FRMD4B: variants seen among roughly 807,000 people sequenced by gnomAD.
FRMD4B encodes the protein FERM domain-containing protein 4B.
Under a neutral mutation model 141.5 loss-of-function variants are expected in FRMD4B, and 74 were observed. The ratio of observed to expected loss-of-function variants is 0.52; its 90% CI spans 0.43 to 0.63. The LOEUF (loss-of-function observed/expected upper bound fraction) is 0.63. Ranked by LOEUF, FRMD4B falls within the 30% of genes least tolerant of loss-of-function variation. FRMD4B has a pLI of 0.00. For synonymous variants in FRMD4B, 506 were observed against 467.9 expected, an observed-to-expected ratio of 1.08 and a Z score of -1.05; for missense variants, 1,366 against 1,253.4, an observed-to-expected ratio of 1.09 and a Z score of -1.36.
intron 1 of FRMD4B, among the ~76,000 whole-genome samples, chr3:69,333,485 A>G (rs1702447382): frequency 6.6e-6 from 1 of 152,222 alleles, no homozygotes; most frequent in African/African-American, 2.4e-5. Flanking sequence ...ATCCTTGTAG[A>G]ACTTTCAGTT....
intron 1 of FRMD4B, among the ~76,000 whole-genome samples, chr3:69,501,568 A>G (rs1204405381): frequency 1.3e-5 from 2 of 152,216 alleles, no homozygotes; most frequent in African/African-American, 2.4e-5. Context: ...AGGCTGAGGT[A>G]ATATCACACT....
At chr3:69,265,228 C>A (rs1391455017) in intron 5 of FRMD4B, among the ~76,000 whole-genome samples, 3 of 114,172 alleles carry the variant, frequency 2.6e-5, no homozygotes, top group African/African-American at 1.0e-4. Context: ...GCACTCCAGC[C>A]TGGGCAACAC....
At chr3:69,424,443 G>C (rs553632202) in intron 2 of FRMD4B, among the ~76,000 whole-genome samples, 65 of 152,276 alleles carry the variant, frequency 4.3e-4, no homozygotes, top group African/African-American at 1.5e-3. Flanking sequence ...ACAGGTGAAA[G>C]CCACAGCACA....
chr3:69,510,135 T>C (rs1400905218), intron 1 of FRMD4B, among the ~76,000 whole-genome samples: 1 of 152,064 alleles, frequency 6.6e-6, no homozygotes, highest in Non-Finnish European at 1.5e-5. Context: ...AACAATTTTG[T>C]CTACTTTAAG....
intron 7 of FRMD4B, among the ~76,000 whole-genome samples, chr3:69,232,766 G>T (rs1444482233): frequency 6.6e-6 from 1 of 151,984 alleles, no homozygotes; most frequent in Admixed American, 6.6e-5. Flanking sequence ...AGTGCAGGCA[G>T]TTAGCACACT....
chr3:69,350,068 T>C (rs1388097333), intron 1 of FRMD4B, among the ~76,000 whole-genome samples: 1 of 152,138 alleles, frequency 6.6e-6, no homozygotes, highest in Non-Finnish European at 1.5e-5. Flanking sequence ...TTTCACAACC[T>C]ACTCATCTGA....
intron 7 of FRMD4B, among the ~76,000 whole-genome samples, chr3:69,242,714 G>A (rs1484569627): frequency 6.7e-6 from 1 of 149,470 alleles, no homozygotes; most frequent in Non-Finnish European, 1.5e-5. Flanking sequence ...AAAAAGGCCG[G>A]GCTCGTTGCT....
intron 7 of FRMD4B, among the ~76,000 whole-genome samples, chr3:69,237,452 T>C (rs1217355903): frequency 6.6e-6 from 1 of 152,250 alleles, no homozygotes; most frequent in Non-Finnish European, 1.5e-5. Context: ...TCTGGCCAAA[T>C]CTAGGGATGC....
intron 21 of FRMD4B, among the ~76,000 whole-genome samples, chr3:69,178,130 C>A (rs535036890): frequency 6.6e-6 from 1 of 152,298 alleles, no homozygotes; most frequent in East Asian, 1.9e-4. Flanking sequence ...GATAACCACA[C>A]GCCATGATAC....
chr3:69,285,664 C>T (rs747774089), intron 5 of FRMD4B, among the ~76,000 whole-genome samples: 3 of 151,810 alleles, frequency 2.0e-5, no homozygotes, highest in East Asian at 1.9e-4. Flanking sequence ...GCCAATATGG[C>T]GAAACCCCAT....
In FRMD4B at chr3:69,221,879, G is replaced by A; in HGVS notation, c.710C>T (p.Thr237Ile). The change falls in exon 9 of 23, where the codon ACT (threonine) becomes ATT (isoleucine). Residue 237 changes from threonine to isoleucine, a missense_variant. Thr to Ile is a moderately conservative substitution (Grantham distance 89, BLOSUM62 -1). Coordinates refer to ENST00000398540, the MANE Select transcript of FRMD4B (RefSeq NM_015123.3). ...TTACTGAACCACAGCTTGACCTCGA[G>A]TGAGACCTTTGATTTTCAAATAATG... Reference protein sequence around the residue: ...IEHYLKIKGLTRGQAVVQYMK... With the variant: ...IEHYLKIKGLIRGQAVVQYMK... 1.9e-6 allele frequency: 3 copies of A among 1,567,628 alleles called. No individual in the cohort carries two copies. Among genetic ancestry groups the A allele is most frequent in the South Asian group, 1.1e-5 (1 of 87,598 alleles).
intron 1 of FRMD4B, among the ~76,000 whole-genome samples, chr3:69,509,754 C>T (rs1310100806): frequency 2.0e-5 from 3 of 151,898 alleles, no homozygotes; most frequent in Non-Finnish European, 4.4e-5. Flanking sequence ...TTTATGGCAA[C>T]CCTATATCAA....
chr3:69,196,751 AT>A (rs1243075529), intron 13 of FRMD4B, 148 bp downstream of exon 13: 17 of 642,574 alleles, frequency 2.6e-5, no homozygotes, highest in Non-Finnish European at 3.7e-5. Context: ...ATGTAAACAT[AT>A]AAAAAACCTG....
chr3:69,228,926 G>T (rs1188994318), intron 7 of FRMD4B, among the ~76,000 whole-genome samples: 1 of 150,534 alleles, frequency 6.6e-6, no homozygotes, highest in Non-Finnish European at 1.5e-5. Context: ...ACTGCAAATT[G>T]TCAATAGTGA....
chr3:69,528,762 T>C (rs1027192180), intron 1 of FRMD4B, among the ~76,000 whole-genome samples: 1 of 149,470 alleles, frequency 6.7e-6, no homozygotes, highest in Admixed American at 6.7e-5. Context: ...GAAACAATAG[T>C]AGGACAGTGC....
intron 2 of FRMD4B, among the ~76,000 whole-genome samples, chr3:69,400,917 C>T (rs72937902): frequency 0.036 from 5,475 of 152,126 alleles, 335 homozygotes; most frequent in African/African-American, 0.12. Context: ...GTTCCCTGTT[C>T]GTATTTCTAA....
At chr3:69,253,449 T>A (rs1360816362) in intron 5 of FRMD4B, among the ~76,000 whole-genome samples, 1 of 152,128 alleles carries the variant, frequency 6.6e-6, no homozygotes, top group Non-Finnish European at 1.5e-5. Flanking sequence ...GCTGGGACTG[T>A]ATGTTATCAA....
intron 7 of FRMD4B, among the ~76,000 whole-genome samples, chr3:69,225,310 G>C (rs1337057114): frequency 3.3e-5 from 5 of 151,902 alleles, no homozygotes; most frequent in Non-Finnish European, 7.4e-5. Flanking sequence ...TGTAAGGTTA[G>C]CTATTATCTA....
chr3:69,317,994 G>A (rs1184163458), intron 1 of FRMD4B, among the ~76,000 whole-genome samples: 1 of 151,806 alleles, frequency 6.6e-6, no homozygotes, highest in Admixed American at 6.6e-5. Flanking sequence ...TTATTTTTGA[G>A]ATAGTCTCAC....
Sources: allele counts gnomAD v4.1 joint callset (sites outside exome capture counted in the v4.1 genomes callset), GRCh38; gene constraint gnomAD v4.1.1; transcripts MANE v1.5; gene names NCBI Gene and HGNC (gene_info 2026-07-23, HGNC 2026-07-21).